The following COL8A1 variants were observed in gnomAD, a reference collection of about 807,000 sequenced individuals.
The protein encoded by COL8A1 is collagen alpha-1(VIII) chain.
A neutral mutation model predicts 42.7 loss-of-function variants in COL8A1; 21 were observed. The ratio of observed to expected loss-of-function variants is 0.49; its 90% CI spans 0.35 to 0.71. The LOEUF is 0.71. Among genes scored for constraint, COL8A1 ranks in the 30% least tolerant of loss-of-function variants. The pLI is 0.01. For synonymous variants in COL8A1, 367 were observed against 369.1 expected (o/e 0.99, Z 0.06); for missense variants, 788 against 962.4 (o/e 0.82, Z 2.40).
chr3:99,743,696 G>A (rs1193507127), intron 1 of COL8A1, among the ~76,000 whole-genome samples: 1 of 152,120 alleles, frequency 6.6e-6, no homozygotes, highest in Non-Finnish European at 1.5e-5. Context: ...TAGCACACTT[G>A]ACTAGTAGCC....
intron 1 of COL8A1, among the ~76,000 whole-genome samples, chr3:99,739,022 A>G (rs973531465): frequency 1.3e-5 from 2 of 151,948 alleles, no homozygotes; most frequent in Non-Finnish European, 2.9e-5. Flanking sequence ...TTTGACTCAG[A>G]AAGGGAACTC....
chr3:99,741,515 T>C (rs915028177), intron 1 of COL8A1, among the ~76,000 whole-genome samples: 5 of 152,200 alleles, frequency 3.3e-5, no homozygotes, highest in African/African-American at 1.2e-4. Context: ...TAGTCAGGAA[T>C]TGAGGTAGGT....
At position 99,795,057 on chromosome 3, in the gene COL8A1, G is replaced by C; in HGVS notation, c.1156G>C (p.Gly386Arg). Residue 386 changes from glycine to arginine, a missense_variant, in exon 4 of 4, where the codon GGG becomes CGG. Gly to Arg is a moderately radical substitution (Grantham distance 125, BLOSUM62 -2). This residue lies in a region of COL8A1 where 421 missense variants were observed against 553.1 expected (regional missense o/e 0.76). Coordinates refer to ENST00000652472, the MANE Select transcript of COL8A1 (RefSeq NM_020351.4). ...EKGPIGAPGIGGPPGEPGLPG... is the reference protein window; with the variant it reads ...EKGPIGAPGIRGPPGEPGLPG... ...AGGACCAATAGGTGCCCCAGGAATAGGGGGTCCTCCAGGAGAGCCAGGCCT... is the reference window on the plus strand; with the variant it reads ...AGGACCAATAGGTGCCCCAGGAATACGGGGTCCTCCAGGAGAGCCAGGCCT... 1 of 1,609,622 alleles carries C rather than the reference G, an allele frequency of 6.2e-7. No homozygotes were observed. The highest frequency in any genetic ancestry group is 8.5e-7 in the Non-Finnish European group (1 of 1,178,040).
Position 99,794,705 on chromosome 3 carries a change from G to T in COL8A1, c.804G>T (p.Leu268=). The change falls in exon 4 of 4, where the codon CTG becomes CTT. Residue 268 remains leucine (L), a synonymous_variant. Coordinates refer to ENST00000652472, the MANE Select transcript of COL8A1 (RefSeq NM_020351.4). The surrounding 1 kb of genome is among the most constrained non-coding windows in gnomAD (Gnocchi z 4.3). ...ACGGCCCTCCCGGCCCTGTTGGACTGCCAGGAGTGGGCAAACCAGGAGTGA... is the reference window on the plus strand; with the variant it reads ...ACGGCCCTCCCGGCCCTGTTGGACTTCCAGGAGTGGGCAAACCAGGAGTGA... ...GMHGPPGPVG[L]PGVGKPGVTG... The T allele has an allele frequency of 6.2e-7, 1 of 1,612,190 alleles. No homozygotes were observed. The highest frequency in any genetic ancestry group is 2.2e-5 in the East Asian group (1 of 44,826).
chr3:99,757,189 GA>G (rs1326958273), intron 2 of COL8A1, among the ~76,000 whole-genome samples: 1 of 152,094 alleles, frequency 6.6e-6, no homozygotes, highest in Non-Finnish European at 1.5e-5. Flanking sequence ...ATTTAAAGGG[GA>G]AAAATAAATT....
At chr3:99,657,681 A>G (rs532042469) in intron 1 of COL8A1, among the ~76,000 whole-genome samples, 22 of 152,214 alleles carry the variant, frequency 1.4e-4, no homozygotes, top group African/African-American at 5.3e-4. Flanking sequence ...TAGAGGAGCT[A>G]TTTATCTTCA....
rs75783165 is a variant in COL8A1, at chr3:99,669,736, A to G, written c.-129+31072A>G. On this transcript the variant is annotated intron_variant, in intron 1 of 3. Coordinates refer to ENST00000652472, the MANE Select transcript of COL8A1 (RefSeq NM_020351.4). ...TAAGAAAGATAGGAGAGACAAAATT[A>G]CAAGTGCTAAAGAGATCGACAGAGG... 7.9e-5 allele frequency among the ~76,000 whole-genome samples: 12 copies of G among 152,174 alleles called. No homozygotes were observed. In the East Asian group the frequency reaches 2.3e-3, roughly 29 times the overall value.
At chr3:99,730,869 TAACTC>T (rs1409495550) in intron 1 of COL8A1, among the ~76,000 whole-genome samples, 1 of 152,170 alleles carries the variant, frequency 6.6e-6, no homozygotes, top group Non-Finnish European at 1.5e-5. Context: ...GCTATGTACT[TAACTC>T]TAATCAGAAC....
chr3:99,731,023 A>G (rs888683637), intron 1 of COL8A1, among the ~76,000 whole-genome samples: 4 of 152,068 alleles, frequency 2.6e-5, no homozygotes, highest in African/African-American at 9.7e-5. Flanking sequence ...AGTCTAGTAA[A>G]TATTTATGGA....
intron 1 of COL8A1, among the ~76,000 whole-genome samples, chr3:99,728,462 T>C (rs1292826253): frequency 6.6e-6 from 1 of 152,030 alleles, no homozygotes; most frequent in African/African-American, 2.4e-5. Context: ...CTTGAAATTT[T>C]TCACATTTAT....
intron 2 of COL8A1, among the ~76,000 whole-genome samples, chr3:99,777,124 G>A (rs1241131629): frequency 1.3e-5 from 2 of 152,064 alleles, no homozygotes; most frequent in Non-Finnish European, 2.9e-5. Flanking sequence ...AACCTCCTGG[G>A]AATGCAGCCC....
rs758053573 is a variant in COL8A1, at chr3:99,756,911, G to A, written c.-4+11890G>A. On this transcript the variant is annotated intron_variant, in intron 2 of 3. Coordinates refer to ENST00000652472, the MANE Select transcript of COL8A1 (RefSeq NM_020351.4). ...AAGGATCACTAAATTCCAAGGAAAT[G>A]TGGTTTCTTTTTCAGTCCCTACTTT... Among the ~76,000 whole-genome samples, 148 of 152,214 alleles carry A rather than the reference G, an allele frequency of 9.7e-4. 1 individual carries two copies. Among genetic ancestry groups the A allele is most frequent in the Admixed American group, 7.2e-4 (11 of 15,282 alleles).
intron 1 of COL8A1, among the ~76,000 whole-genome samples, chr3:99,651,459 C>T (rs1007028976): frequency 6.6e-6 from 1 of 152,252 alleles, no homozygotes; most frequent in Non-Finnish European, 1.5e-5. Context: ...ACCTGAAACA[C>T]TGCGAAGAAG....
chr3:99,795,241 G>A lies in COL8A1; in HGVS notation c.1340G>A (p.Gly447Glu). 6.2e-7 allele frequency: 1 copy of A among 1,613,454 alleles called. No homozygotes were observed. Residue 447 changes from glycine to glutamate, a missense_variant, in exon 4 of 4, where the codon GGG becomes GAG. Transcript: ENST00000652472. ...PGKPGFLGEVGPPGMRGLPGP... is the reference protein window; with the variant it reads ...PGKPGFLGEVEPPGMRGLPGP... ...AAGCCAGGTTTCCTTGGTGAAGTAG[G>A]GCCTCCTGGCATGAGGGGTTTGCCA...
At chr3:99,791,921 T>C (rs986336626) in intron 3 of COL8A1, among the ~76,000 whole-genome samples, 2 of 152,216 alleles carry the variant, frequency 1.3e-5, no homozygotes, top group African/African-American at 4.8e-5. Context: ...ACATACATAG[T>C]AAGTAAAGTG....
chr3:99,638,840 A>G (rs1035456916), intron 1 of COL8A1, among the ~76,000 whole-genome samples, 176 bp downstream of exon 1: 3 of 152,202 alleles, frequency 2.0e-5, no homozygotes, highest in Non-Finnish European at 2.9e-5. Context: ...ATGGTAAAAT[A>G]AAAGCTCCTT....
rs577258783 is a variant in COL8A1, at chr3:99,750,032, C to A, written c.-4+5011C>A. 3.7e-3 allele frequency among the ~76,000 whole-genome samples: 385 copies of A among 105,468 alleles called. 1 individual carries two copies. The highest frequency in any genetic ancestry group is 6.9e-3 in the Non-Finnish European group (328 of 47,492). 69.2% of individuals were successfully genotyped at this position (105,468 alleles called of 152,430 possible). A position where few individuals can be genotyped will look rare whatever the true frequency, so the allele number is the denominator to read the frequency against. ...AGAATGTATAACTTGTTGCCAACTT[C>A]TTTTTCTTTTTTTCTTCTTTTTTTT... is the stretch of plus-strand genomic sequence containing the variant. On this transcript the variant is annotated intron_variant, in intron 2 of 3. Coordinates refer to ENST00000652472, the MANE Select transcript of COL8A1 (RefSeq NM_020351.4).
chr3:99,793,385 A>G (rs148951742), intron 3 of COL8A1, among the ~76,000 whole-genome samples: 3 of 152,274 alleles, frequency 2.0e-5, no homozygotes, highest in Middle Eastern at 3.4e-3. Context: ...TTTGTACCCC[A>G]TAAATAAAAT....
intron 1 of COL8A1, among the ~76,000 whole-genome samples, chr3:99,653,314 G>C (rs187489629): frequency 6.6e-6 from 1 of 152,142 alleles, no homozygotes; most frequent in African/African-American, 2.4e-5. Context: ...CCAGAGTCCT[G>C]CTGTGCATTG....
Sources: gnomAD v4.1 joint callset for allele counts (sites outside exome capture counted in the v4.1 genomes callset) on GRCh38, gnomAD v4.1.1 for gene constraint, gnomAD v4.1.1 regional missense constraint, Gnocchi (gnomAD v3.1) non-coding constraint, MANE v1.5 for transcripts, NCBI Gene and HGNC (gene_info 2026-07-23, HGNC 2026-07-21) for gene names.